Variants in THADA observed in about 807,000 individuals in gnomAD.
The protein encoded by THADA is tRNA (32-2'-O)-methyltransferase regulator THADA.
Under a neutral mutation model 219.8 loss-of-function variants are expected in THADA, and 213 were observed. That is an observed-to-expected ratio of 0.97 (90% CI 0.87 to 1.09). The LOEUF (loss-of-function observed/expected upper bound fraction) is 1.09. THADA is among the 50% of genes least tolerant of loss of function. The pLI, the probability that THADA is intolerant of heterozygous loss-of-function variation, is 0.00. For synonymous variants in THADA, 1,018 were observed against 828.9 expected, an observed-to-expected ratio of 1.23 and a Z score of -3.92; for missense variants, 2,956 against 2,311.3, an observed-to-expected ratio of 1.28 and a Z score of -5.72.
chr2:43,417,032 GTTTTCT>G (rs1317939769), intron 28 of THADA, among the ~76,000 whole-genome samples: 25 of 94,978 alleles, frequency 2.6e-4, no homozygotes, highest in African/African-American at 1.1e-3. Flanking sequence ...CCTCATGGCT[GTTTTCT>G]TTTTTTTTTT....
intron 26 of THADA, chr2:43,484,176 A>C (rs1686603033): frequency 1.3e-5 from 2 of 156,702 alleles, no homozygotes. Flanking sequence ...CTTCCTTTTA[A>C]ATATCTGGTG....
chr2:43,543,270 A>G (rs1695566721), intron 20 of THADA, among the ~76,000 whole-genome samples: 1 of 131,264 alleles, frequency 7.6e-6, no homozygotes, highest in South Asian at 2.6e-4. Context: ...AATCCAGTCT[A>G]TCATTGTTGG....
chr2:43,292,407 G>A (rs1674841840), intron 32 of THADA, among the ~76,000 whole-genome samples, 185 bp from the exon 33 acceptor site: 1 of 152,140 alleles, frequency 6.6e-6, no homozygotes, highest in Non-Finnish European at 1.5e-5. Flanking sequence ...CTAACCAGAG[G>A]GCCTCTAGTG....
chr2:43,370,742 T>A (rs1164532053), intron 29 of THADA, among the ~76,000 whole-genome samples: 1 of 152,222 alleles, frequency 6.6e-6, no homozygotes. Flanking sequence ...AGGATGAAAC[T>A]ACTCTCTGTG....
chr2:43,331,989 T>C (rs1344612893), intron 30 of THADA, among the ~76,000 whole-genome samples: 1 of 150,432 alleles, frequency 6.6e-6, no homozygotes, highest in Admixed American at 6.7e-5. Flanking sequence ...AGATACCTTT[T>C]GTGTACTTGG....
At position 43,398,114 on chromosome 2, in the gene THADA, A is replaced by G; in HGVS notation, c.4084T>C (p.Ser1362Pro). The change falls in exon 29 of 38, where the codon TCC becomes CCC. Residue 1362 changes from serine (S) to proline (P), a missense_variant. Ser to Pro is a moderately conservative substitution (Grantham distance 74). Coordinates refer to ENST00000405975, the MANE Select transcript of THADA (RefSeq NM_022065.5). ...MRCGHSPVYH[S>P]REMAARALVP... ...AAGGCACGAGCTGCCATTTCACGGG[A>G]GTGGTAGACAGGTGAGTGACCACAC... is the stretch of plus-strand genomic sequence containing the variant. 6.2e-7 allele frequency: 1 copy of G among 1,613,946 alleles called. No homozygotes were observed. The highest frequency in any genetic ancestry group is 8.5e-7 in the Non-Finnish European group (1 of 1,179,840).
chr2:43,295,074 C>G (rs988380553), intron 31 of THADA, among the ~76,000 whole-genome samples: 3 of 152,148 alleles, frequency 2.0e-5, no homozygotes, highest in Admixed American at 6.5e-5. Context: ...GCCTGGACAA[C>G]ACTGTGAAAA....
At chr2:43,445,123 G>A (rs983229755) in intron 26 of THADA, among the ~76,000 whole-genome samples, 1 of 152,088 alleles carries the variant, frequency 6.6e-6, no homozygotes, top group Non-Finnish European at 1.5e-5. Context: ...TCATCTAACG[G>A]CCTGTGTCTC....
intron 30 of THADA, among the ~76,000 whole-genome samples, chr2:43,341,719 A>C (rs1667082111): frequency 6.6e-6 from 1 of 152,222 alleles, no homozygotes; most frequent in Non-Finnish European, 1.5e-5. Context: ...CAGGTTTCAG[A>C]GGATAATTTC....
chr2:43,472,696 C>T lies in THADA; in HGVS notation c.3836+12538G>A, dbSNP rs116489560. 3.2e-3 allele frequency among the ~76,000 whole-genome samples: 491 copies of T among 152,262 alleles called. 1 individual carries two copies. The highest frequency in any genetic ancestry group is 0.011 in the African/African-American group (468 of 41,546). ...ATGTTCTCAGAAGTGTGTCATTAGA[C>T]AATTGCATTGTAGTGTAAACATCGT... On this transcript the variant is annotated intron_variant, in intron 26 of 37. Transcript: ENST00000405975.
chr2:43,361,384 T>C (rs1669507460), intron 29 of THADA, among the ~76,000 whole-genome samples: 1 of 152,204 alleles, frequency 6.6e-6, no homozygotes, highest in South Asian at 2.1e-4. Context: ...TTTAAAAAAT[T>C]AGTCACTCTT....
Position 43,478,470 on chromosome 2 carries a change from C to T in THADA, c.3836+6764G>A, listed in dbSNP as rs1308617841. 5.3e-5 allele frequency among the ~76,000 whole-genome samples: 8 copies of T among 152,160 alleles called. No homozygotes were observed. The South Asian group carries it at 1.7e-3, about 32-fold the overall frequency. On this transcript the variant is annotated intron_variant, in intron 26 of 37. Transcript: ENST00000405975. ...TGATAAATGAAGACTTTATCTCATACTCCTGGAAGCAATCCTGACGTCTTA... is the reference window on the plus strand; with the variant it reads ...TGATAAATGAAGACTTTATCTCATATTCCTGGAAGCAATCCTGACGTCTTA...
At chr2:43,322,181 T>C (rs1573058179) in intron 30 of THADA, among the ~76,000 whole-genome samples, 1 of 151,318 alleles carries the variant, frequency 6.6e-6, no homozygotes, top group Non-Finnish European at 1.5e-5. Context: ...TTACAGGGGG[T>C]AAGACTGAAA....
chr2:43,472,089 G>A (rs896648124), intron 26 of THADA, among the ~76,000 whole-genome samples: 8 of 152,168 alleles, frequency 5.3e-5, no homozygotes, highest in Non-Finnish European at 1.2e-4. Context: ...AGGGATTGGG[G>A]GAAGAAAAGT....
intron 4 of THADA, among the ~76,000 whole-genome samples, chr2:43,588,884 T>C (rs1348108282): frequency 1.3e-5 from 2 of 152,150 alleles, no homozygotes; most frequent in African/African-American, 2.4e-5. Flanking sequence ...AATGGGGAAG[T>C]GATTAAATTA....
At chr2:43,338,479 A>G (rs1048225361) in intron 30 of THADA, among the ~76,000 whole-genome samples, 1 of 152,102 alleles carries the variant, frequency 6.6e-6, no homozygotes, top group African/African-American at 2.4e-5. Flanking sequence ...TTCATTCTGT[A>G]AAATTAAAAC....
chr2:43,393,162 G>T (rs1422649860), intron 29 of THADA, among the ~76,000 whole-genome samples: 3 of 151,938 alleles, frequency 2.0e-5, no homozygotes, highest in Non-Finnish European at 4.4e-5. Flanking sequence ...GAGAGGGGAG[G>T]GTACAATATA....
chr2:43,402,637 A>G (rs1675001136), intron 28 of THADA, among the ~76,000 whole-genome samples: 1 of 152,222 alleles, frequency 6.6e-6, no homozygotes, highest in Admixed American at 6.5e-5. Context: ...ACATCTACTG[A>G]GTACCTAGCA....
Position 43,304,602 on chromosome 2 carries a change from C to A in THADA, c.4439-11389G>T, listed in dbSNP as rs1194093394. Among the ~76,000 whole-genome samples, 2 of 152,088 alleles carry A rather than the reference C, an allele frequency of 1.3e-5. 1 individual carries two copies. The highest frequency in any genetic ancestry group is 2.9e-5 in the Non-Finnish European group (2 of 68,010). On this transcript the variant is annotated intron_variant, in intron 31 of 37. Transcript: ENST00000405975. The stretch of plus-strand genomic sequence containing the variant: ...TAACTGTTCTAAAGTTTTCTCTATT[C>A]TCCCCTTTCTCTCCCAGTATCTCCA...
Sources: allele counts gnomAD v4.1 joint callset (sites outside exome capture counted in the v4.1 genomes callset), GRCh38; gene constraint gnomAD v4.1.1; transcripts MANE v1.5; gene names NCBI Gene and HGNC (gene_info 2026-07-23, HGNC 2026-07-21).